ADGRV1: variants seen among roughly 807,000 people sequenced by gnomAD.
The protein encoded by ADGRV1 is adhesion G protein-coupled receptor V1.
A neutral mutation model predicts 596.2 loss-of-function variants in ADGRV1; 359 were observed. That is an observed-to-expected ratio of 0.60 (90% CI 0.55 to 0.66). The LOEUF (loss-of-function observed/expected upper bound fraction) is 0.66. Among genes scored for constraint, ADGRV1 ranks in the 30% least tolerant of loss-of-function variants. The pLI, the probability that ADGRV1 is intolerant of heterozygous loss-of-function variation, is 0.00. For missense variants in ADGRV1, 7,274 were observed against 7,575.6 expected, an observed-to-expected ratio of 0.96 and a Z score of 1.48; for synonymous variants, 2,681 against 2,679.2, an observed-to-expected ratio of 1.00 and a Z score of -0.02.
chr5:90,701,414 A>G (rs1747892192), intron 34 of ADGRV1, among the ~76,000 whole-genome samples: 1 of 152,032 alleles, frequency 6.6e-6, no homozygotes, highest in Admixed American at 6.6e-5. Context: ...GGCTCCTGGG[A>G]GTCTGCAATA....
intron 87 of ADGRV1, among the ~76,000 whole-genome samples, chr5:91,144,860 C>T (rs1227817363): frequency 2.0e-5 from 3 of 152,200 alleles, no homozygotes; most frequent in African/African-American, 7.2e-5. Context: ...CTTGCCAATG[C>T]ACGTAGTGGG....
chr5:90,981,681 G>GACTA (rs1780090280), intron 84 of ADGRV1, among the ~76,000 whole-genome samples: 1 of 152,138 alleles, frequency 6.6e-6, no homozygotes, highest in Non-Finnish European at 1.5e-5. Context: ...GGTCATCCTT[G>GACTA]ACCCTGAACT....
chr5:90,690,849 G>C lies in ADGRV1; in HGVS notation c.6759G>C (p.Lys2253Asn). ...IVEEPEFNSV[K>N]VNLPIIRNSG... The stretch of plus-strand genomic sequence containing the variant: ...AGGAACCTGAGTTTAACTCAGTGAA[G>C]GTAAACCTGCCAATAATTCGAAATT... Residue 2253 changes from lysine to asparagine, a missense_variant, in exon 31 of 90, where the codon AAG becomes AAC. Lys to Asn is a moderately conservative substitution (Grantham distance 94, BLOSUM62 0). This residue lies in a region of ADGRV1 where 3,643 missense variants were observed against 3,809.2 expected (regional missense o/e 0.96). Coordinates refer to ENST00000405460, the MANE Select transcript of ADGRV1 (RefSeq NM_032119.4). 1 of 1,607,380 alleles carries C rather than the reference G, an allele frequency of 6.2e-7. No individual in the cohort carries two copies. The highest frequency in any genetic ancestry group is 1.1e-5 in the South Asian group (1 of 90,310).
chr5:90,930,063 C>T (rs1278912339), intron 83 of ADGRV1, among the ~76,000 whole-genome samples: 1 of 152,128 alleles, frequency 6.6e-6, no homozygotes, highest in Non-Finnish European at 1.5e-5. Flanking sequence ...AATGGCCTGA[C>T]CACTAAACAT....
chr5:91,041,647 A>AG (rs1333426717), intron 85 of ADGRV1, among the ~76,000 whole-genome samples: 1 of 151,936 alleles, frequency 6.6e-6, no homozygotes, highest in Non-Finnish European at 1.5e-5. Context: ...AAAAAAAAAA[A>AG]AAGAGAGAGA....
At chr5:91,030,909 G>T in intron 85 of ADGRV1, 1 of 602,190 alleles carries the variant, frequency 1.7e-6, no homozygotes. Flanking sequence ...GATCTGTGAA[G>T]AAACTGCAGT....
At chr5:90,817,890 G>C (rs1211109980) in intron 75 of ADGRV1, among the ~76,000 whole-genome samples, 2 of 152,114 alleles carry the variant, frequency 1.3e-5, no homozygotes, top group African/African-American at 4.8e-5. Context: ...TTGCCTTGGC[G>C]ATGCAGGCTC....
intron 83 of ADGRV1, among the ~76,000 whole-genome samples, chr5:90,867,374 G>A (rs867449626): frequency 6.6e-6 from 1 of 152,046 alleles, no homozygotes; most frequent in African/African-American, 2.4e-5. Context: ...TACATTAACC[G>A]CAAGACTATA....
intron 83 of ADGRV1, among the ~76,000 whole-genome samples, chr5:90,958,598 G>A (rs934551883): frequency 1.3e-5 from 2 of 152,098 alleles, no homozygotes; most frequent in Non-Finnish European, 2.9e-5. Context: ...TGTCTTCAGG[G>A]TTGACTTCAT....
chr5:91,069,092 G>C (rs895971947), intron 85 of ADGRV1, among the ~76,000 whole-genome samples: 1 of 152,088 alleles, frequency 6.6e-6, no homozygotes, highest in African/African-American at 2.4e-5. Flanking sequence ...TAGCCATATG[G>C]AAAAGATTGA....
intron 83 of ADGRV1, among the ~76,000 whole-genome samples, chr5:90,924,951 G>A (rs1463839609): frequency 6.6e-6 from 1 of 150,610 alleles, no homozygotes; most frequent in African/African-American, 2.4e-5. Flanking sequence ...TAGATATGTG[G>A]CGTTATTTCT....
At chr5:90,789,390 TAAATGTAGTA>T (rs1472794077) in intron 68 of ADGRV1, among the ~76,000 whole-genome samples, 1 of 152,146 alleles carries the variant, frequency 6.6e-6, no homozygotes, top group Non-Finnish European at 1.5e-5. Flanking sequence ...ATTAACTGAT[TAAATGTAGTA>T]AATATGAGAT....
intron 85 of ADGRV1, among the ~76,000 whole-genome samples, chr5:91,039,992 A>AC (rs1785209390): frequency 6.6e-6 from 1 of 152,176 alleles, no homozygotes; most frequent in Admixed American, 6.5e-5. Context: ...GCCAGAAGAG[A>AC]CCTATGAAGA....
At chr5:91,074,125 A>G (rs1002575613) in intron 86 of ADGRV1, among the ~76,000 whole-genome samples, 1 of 152,180 alleles carries the variant, frequency 6.6e-6, no homozygotes, top group African/African-American at 2.4e-5. Flanking sequence ...TTCAGTTTTA[A>G]TACTCTTTAT....
At chr5:91,014,136 C>CCACACACACACA (rs70973720) in intron 85 of ADGRV1, among the ~76,000 whole-genome samples, 4 of 35,698 alleles carry the variant, frequency 1.1e-4, no homozygotes, top group Admixed American at 3.7e-4. Flanking sequence ...TTCACAATTG[C>CCACACACACACA]CACACACACA....
intron 83 of ADGRV1, among the ~76,000 whole-genome samples, chr5:90,869,136 A>G (rs184573462): frequency 6.6e-6 from 1 of 152,320 alleles, no homozygotes; most frequent in East Asian, 1.9e-4. Context: ...GTAGTACTGC[A>G]TAGGCTGAGA....
intron 70 of ADGRV1, among the ~76,000 whole-genome samples, chr5:90,801,700 G>A (rs1183087393): frequency 6.6e-6 from 1 of 152,084 alleles, no homozygotes; most frequent in Admixed American, 6.6e-5. Context: ...AAGAAGAAGA[G>A]ACTTTACAGA....
At chr5:90,988,911 A>G (rs1476992140) in intron 85 of ADGRV1, among the ~76,000 whole-genome samples, 1 of 150,594 alleles carries the variant, frequency 6.6e-6, no homozygotes, top group African/African-American at 2.4e-5. Context: ...TGTCCTTGGG[A>G]TAGTTTGCTG....
chr5:90,713,507 C>T (rs1561578103), intron 42 of ADGRV1, among the ~76,000 whole-genome samples: 1 of 152,032 alleles, frequency 6.6e-6, no homozygotes, highest in Non-Finnish European at 1.5e-5. Context: ...AAACCCAATG[C>T]AAATGGATTT....
Sources: allele counts gnomAD v4.1 joint callset (sites outside exome capture counted in the v4.1 genomes callset), GRCh38; gene constraint gnomAD v4.1.1; regional missense constraint gnomAD v4.1.1; transcripts MANE v1.5; gene names NCBI Gene and HGNC (gene_info 2026-07-23, HGNC 2026-07-21).